Variants in SYTL5 observed in about 807,000 individuals in gnomAD.
The protein encoded by SYTL5 is synaptotagmin like 5.
Under a neutral mutation model 55.9 loss-of-function variants are expected in SYTL5, and 34 were observed. The ratio of observed to expected loss-of-function variants is 0.61; its 90% CI spans 0.46 to 0.81. SYTL5 has a LOEUF of 0.81. Among genes scored for constraint, SYTL5 ranks in the 30% least tolerant of loss-of-function variants. The pLI, the probability that SYTL5 is intolerant of heterozygous loss-of-function variation, is 0.00. For synonymous variants in SYTL5, 221 were observed against 188.7 expected (o/e 1.17, Z -1.40); for missense variants, 637 against 546.7 (o/e 1.17, Z -1.65).
chrX:38,122,040 C>A (rs1479228655), intron 14 of SYTL5, 40 bp from the exon 15 acceptor site: 5 of 1,084,482 alleles, frequency 4.6e-6, no homozygotes, highest in Non-Finnish European at 6.1e-6. Flanking sequence ...ATTTTTTTTT[C>A]TCTTTCTCCA....
At chrX:38,028,760 A>G (rs1190277846) in intron 1 of SYTL5, among the ~76,000 whole-genome samples, 2 of 111,830 alleles carry the variant, frequency 1.8e-5, no homozygotes, top group African/African-American at 6.5e-5. Context: ...CCTGCATTCA[A>G]GAACACCTGT....
intron 6 of SYTL5, among the ~76,000 whole-genome samples, chrX:38,085,039 G>C (rs907807862): frequency 9.0e-6 from 1 of 111,278 alleles, no homozygotes; most frequent in Admixed American, 9.6e-5. Flanking sequence ...CTGACTTCTA[G>C]TGCAACACAT....
the SYTL5 span, among the ~76,000 whole-genome samples, chrX:37,978,793 G>GA: frequency 9.0e-6 from 1 of 110,677 alleles, no homozygotes; most frequent in East Asian, 2.8e-4. Flanking sequence ...CTTCAAAGAT[G>GA]AAAAAAATGT....
At position 38,073,687 on chromosome X, in the gene SYTL5, C is replaced by G; in HGVS notation, c.543C>G (p.Pro181=). ...VAGKKASHDG[P]KRKGFLLSKF... ...GGAAGAAGGCCAGCCATGATGGGCC[C>G]AAGAGAAAGGGGTAAGACATGGTCT... Residue 181 remains proline (P), a synonymous_variant, in exon 5 of 17, where the codon CCC becomes CCG. Transcript: ENST00000297875. 8.5e-7 allele frequency: 1 copy of G among 1,181,599 alleles called. No individual in the cohort carries two copies. The highest frequency in any genetic ancestry group is 1.1e-6 in the Non-Finnish European group (1 of 875,134).
At chrX:37,891,559 G>GCTGTACAAC in the SYTL5 span, among the ~76,000 whole-genome samples, 1 of 111,556 alleles carries the variant, frequency 9.0e-6, no homozygotes, top group South Asian at 3.7e-4. Flanking sequence ...TGTGGTGATG[G>GCTGTACAAC]CTGTACAACT....
At position 38,020,985 on chromosome X, in the gene SYTL5, T is replaced by C. The variant is rs766119655; in HGVS notation, c.-356-12549T>C. On this transcript the variant is annotated intron_variant, in intron 1 of 16. Coordinates refer to ENST00000297875, the MANE Select transcript of SYTL5 (RefSeq NM_138780.3). ...TAATTCCATTAGTTTCCAAAGCCCA[T>C]ACCCTTTCCTCTACCCCACACTTTC... Among the ~76,000 whole-genome samples the C allele has an allele frequency of 6.3e-5, 7 of 111,523 alleles. No homozygotes were observed. The South Asian group carries it at 2.7e-3, about 42-fold the overall frequency.
chrX:37,949,905 T>G, the SYTL5 span, among the ~76,000 whole-genome samples: 1 of 111,894 alleles, frequency 8.9e-6, no homozygotes, highest in South Asian at 3.7e-4. Context: ...ATATAGACAG[T>G]GGTTTGAATG....
rs183655402 is a variant in SYTL5, at chrX:38,027,387, C to T, written c.-356-6147C>T. Reference sequence around the variant, plus strand: ...TGTGCCCAGAATTATAATATTGAACCATATTTTTACATTACACAGCCCTTT... The same window carrying T: ...TGTGCCCAGAATTATAATATTGAACTATATTTTTACATTACACAGCCCTTT... On this transcript the variant is annotated intron_variant, in intron 1 of 16. Coordinates refer to ENST00000297875, the MANE Select transcript of SYTL5 (RefSeq NM_138780.3). Among the ~76,000 whole-genome samples the T allele has an allele frequency of 1.1e-3, 126 of 111,102 alleles. 1 individual carries two copies. The highest frequency in any genetic ancestry group is 3.9e-3 in the African/African-American group (118 of 30,639).
intron 3 of SYTL5, among the ~76,000 whole-genome samples, chrX:38,071,436 T>G (rs1569176500): frequency 8.9e-6 from 1 of 111,802 alleles, no homozygotes; most frequent in East Asian, 2.8e-4. Context: ...GTCTTACCAT[T>G]GCCCTAGCAT....
chrX:38,085,717 T>A (rs375169796), intron 6 of SYTL5, among the ~76,000 whole-genome samples: 3 of 111,817 alleles, frequency 2.7e-5, no homozygotes, highest in Admixed American at 1.9e-4. Flanking sequence ...CATTTAACCA[T>A]ATGGGAACAG....
the SYTL5 span, chrX:37,994,534 A>T: frequency 6.6e-6 from 1 of 152,451 alleles, no homozygotes; most frequent in South Asian, 2.9e-4. Context: ...AACATCCTGG[A>T]AAAGGTGGGC....
chrX:37,990,560 A>C, the SYTL5 span, among the ~76,000 whole-genome samples: 8 of 112,329 alleles, frequency 7.1e-5, no homozygotes, highest in Admixed American at 7.5e-4. Flanking sequence ...TATAATGTCA[A>C]AATCAGGTAG....
intron 4 of SYTL5, among the ~76,000 whole-genome samples, chrX:38,072,623 A>T (rs1218066183): frequency 1.8e-5 from 2 of 111,661 alleles, no homozygotes; most frequent in East Asian, 5.6e-4. Context: ...CTCCCTCAAA[A>T]TGGGAGCATT....
chrX:38,104,576 T>A (rs891059341), intron 10 of SYTL5, among the ~76,000 whole-genome samples: 1 of 112,059 alleles, frequency 8.9e-6, no homozygotes, highest in Non-Finnish European at 1.9e-5. Context: ...TTAGAAGACA[T>A]GTGACCACAT....
chrX:37,913,578 A>G, the SYTL5 span, among the ~76,000 whole-genome samples: 2 of 112,099 alleles, frequency 1.8e-5, no homozygotes, highest in Non-Finnish European at 3.8e-5. Flanking sequence ...TTTCAACAGG[A>G]AGGCCTGTTG....
intron 6 of SYTL5, among the ~76,000 whole-genome samples, chrX:38,081,022 G>A (rs1936519061): frequency 8.9e-6 from 1 of 112,216 alleles, no homozygotes. Flanking sequence ...CAAATGTATA[G>A]CATATCTCTG....
At chrX:38,023,331 T>A (rs1299314438) in intron 1 of SYTL5, among the ~76,000 whole-genome samples, 1 of 111,846 alleles carries the variant, frequency 8.9e-6, no homozygotes, top group African/African-American at 3.2e-5. Context: ...CCACACCTTA[T>A]TGGTTCTTGA....
At chrX:37,933,568 G>A in the SYTL5 span, among the ~76,000 whole-genome samples, 2 of 112,148 alleles carry the variant, frequency 1.8e-5, no homozygotes, top group Non-Finnish European at 3.8e-5. Context: ...AGTATGTAAA[G>A]CTTTTTCTTC....
chrX:37,900,136 A>G, the SYTL5 span, among the ~76,000 whole-genome samples: 1 of 111,526 alleles, frequency 9.0e-6, no homozygotes, highest in Non-Finnish European at 1.9e-5. Context: ...ACACACACAC[A>G]CACACAATGG....
Sources: allele counts gnomAD v4.1 joint callset (sites outside exome capture counted in the v4.1 genomes callset), GRCh38; gene constraint gnomAD v4.1.1; transcripts MANE v1.5; gene names NCBI Gene and HGNC (gene_info 2026-07-23, HGNC 2026-07-21).